PPP1R21: variants seen among roughly 807,000 people sequenced by gnomAD.
PPP1R21 encodes KLRAQ motif containing 1.
In PPP1R21, 85 loss-of-function variants were observed where a neutral mutation model predicts 112.8. The ratio of observed to expected loss-of-function variants is 0.75; its 90% confidence interval spans 0.63 to 0.90. The LOEUF (loss-of-function observed/expected upper bound fraction) is 0.90, where lower values mean the gene tolerates loss of function less well. Ranked by LOEUF, PPP1R21 falls within the 40% of genes least tolerant of loss-of-function variation. PPP1R21 has a pLI of 0.00. For missense variants in PPP1R21, 1,199 were observed against 901.5 expected (o/e 1.33, Z -4.23); for synonymous variants, 381 against 322.3 (o/e 1.18, Z -1.95).
At chr2:48,478,476 G>A (rs888257394) in intron 12 of PPP1R21, among the ~76,000 whole-genome samples, 16 of 152,312 alleles carry the variant, frequency 1.1e-4, no homozygotes, top group Admixed American at 9.8e-4. Flanking sequence ...GATGGTGGCA[G>A]GGCTCTCCTT....
chr2:48,461,020 C>T, intron 6 of PPP1R21, 118 bp from the exon 7 acceptor site: 2 of 1,440,092 alleles, frequency 1.4e-6, no homozygotes, highest in South Asian at 2.9e-5. Context: ...CCAAGAGTAT[C>T]CCAGATGTCA....
At chr2:48,514,686 T>A in intron 21 of PPP1R21, 29 bp from the exon 22 acceptor site, 1 of 1,479,618 alleles carries the variant, frequency 6.8e-7, no homozygotes, top group Non-Finnish European at 9.4e-7. Context: ...ATGTTTATGT[T>A]CTTATTGTTG....
At chr2:48,468,467 C>T (rs1381889412) in intron 9 of PPP1R21, among the ~76,000 whole-genome samples, 2 of 152,144 alleles carry the variant, frequency 1.3e-5, no homozygotes, top group Non-Finnish European at 2.9e-5. Flanking sequence ...GAAGACAGTA[C>T]TGCAACATTT....
At chr2:48,495,656 T>A in intron 15 of PPP1R21, 23 bp from the exon 16 acceptor site, 4 of 1,428,816 alleles carry the variant, frequency 2.8e-6, no homozygotes, top group Non-Finnish European at 3.9e-6. Flanking sequence ...TTTTCTTTAA[T>A]TCTTATGATG....
At chr2:48,507,137 G>T (rs1328850882) in intron 18 of PPP1R21, 132 bp from the exon 19 acceptor site, 2 of 1,286,218 alleles carry the variant, frequency 1.6e-6, no homozygotes, top group Non-Finnish European at 2.0e-6. Context: ...CTTCGAGGGG[G>T]TAGGAAAACA....
rs79265897 is a variant in PPP1R21, at chr2:48,451,283, A to T, written c.126+207A>T. Among the ~76,000 whole-genome samples, 447 of 152,290 alleles carry T rather than the reference A, an allele frequency of 2.9e-3. 2 individuals carry two copies. Among genetic ancestry groups the T allele is most frequent in the African/African-American group, 0.01 (435 of 41,556 alleles). On this transcript the variant is annotated intron_variant, in intron 2 of 21. Coordinates refer to ENST00000294952, the MANE Select transcript of PPP1R21 (RefSeq NM_001135629.3). ...TTTGATTTCCTTAGCTAAAAATTAT[A>T]AAAAAAGGTATTATGTGACTTTGTC...
At chr2:48,462,064 A>C (rs1336448108) in intron 7 of PPP1R21, among the ~76,000 whole-genome samples, 2 of 152,196 alleles carry the variant, frequency 1.3e-5, no homozygotes, top group African/African-American at 4.8e-5. Flanking sequence ...ATACTACTGG[A>C]TTCACTGGAT....
intron 3 of PPP1R21, among the ~76,000 whole-genome samples, chr2:48,456,715 G>A (rs970765981): frequency 2.6e-5 from 4 of 152,146 alleles, no homozygotes; most frequent in Non-Finnish European, 5.9e-5. Context: ...AACAGAGAGG[G>A]TATAACACTT....
intron 9 of PPP1R21, among the ~76,000 whole-genome samples, chr2:48,467,682 G>A (rs532060424): frequency 6.6e-5 from 10 of 152,352 alleles, no homozygotes; most frequent in Admixed American, 6.5e-4. Flanking sequence ...GGAAGCCACA[G>A]TGCCTTTTGA....
At chr2:48,458,061 G>C (rs1382678842) in intron 3 of PPP1R21, 65 bp from the exon 4 acceptor site, 1 of 1,015,104 alleles carries the variant, frequency 9.9e-7, no homozygotes, top group South Asian at 1.3e-5. Context: ...TAGAGAATCT[G>C]TGTACCTTAG....
At chr2:48,461,419 A>G (rs769589842) in intron 7 of PPP1R21, among the ~76,000 whole-genome samples, 187 bp downstream of exon 7, 7 of 152,178 alleles carry the variant, frequency 4.6e-5, no homozygotes, top group Non-Finnish European at 1.0e-4. Flanking sequence ...ATTGTCATAT[A>G]ACTACTCCAA....
At chr2:48,467,197 A>G (rs1668245008) in intron 9 of PPP1R21, among the ~76,000 whole-genome samples, 1 of 152,126 alleles carries the variant, frequency 6.6e-6, no homozygotes, top group African/African-American at 2.4e-5. Flanking sequence ...GTGAGGTTCA[A>G]ACAGGGTTTA....
chr2:48,445,808 G>T (rs769672692), intron 1 of PPP1R21, among the ~76,000 whole-genome samples: 2 of 152,170 alleles, frequency 1.3e-5, no homozygotes, highest in Non-Finnish European at 2.9e-5. Flanking sequence ...ATAATATGTA[G>T]CCTGCACATA....
At chr2:48,458,992 T>A (rs1667851176) in intron 4 of PPP1R21, among the ~76,000 whole-genome samples, 1 of 148,832 alleles carries the variant, frequency 6.7e-6, no homozygotes, top group Non-Finnish European at 1.5e-5. Flanking sequence ...CTTGGGAGGC[T>A]GAGGCAGGAG....
At chr2:48,505,497 G>A (rs1429576852) in intron 17 of PPP1R21, 67 bp from the exon 18 acceptor site, 3 of 1,167,408 alleles carry the variant, frequency 2.6e-6, no homozygotes, top group Non-Finnish European at 3.8e-6. Flanking sequence ...AATATTAAAA[G>A]CGTTTGATCT....
chr2:48,444,908 A>T (rs34901329), intron 1 of PPP1R21, among the ~76,000 whole-genome samples: 17,627 of 151,288 alleles, frequency 0.12, 1,444 homozygotes, highest in Admixed American at 0.21. Context: ...AAAGCCAAAC[A>T]TCCATTATTT....
At chr2:48,510,152 C>A in intron 20 of PPP1R21, 39 bp downstream of exon 20, 1 of 1,481,390 alleles carries the variant, frequency 6.8e-7, no homozygotes. Flanking sequence ...AATGTTTTTT[C>A]ATTGAAAGTT....
At position 48,440,860 on chromosome 2, in the gene PPP1R21, T is replaced by C; in HGVS notation, c.-94T>C. 1.2e-6 allele frequency: 1 copy of C among 808,284 alleles called. No homozygotes were observed. The highest frequency in any genetic ancestry group is 1.9e-6 in the Non-Finnish European group (1 of 519,192). The allele number at this position is 808,284 out of a possible 1,614,324, so 50.1% of individuals were successfully genotyped here. A position where few individuals can be genotyped will look rare whatever the true frequency, so the allele number is the denominator to read the frequency against. On this transcript the variant is annotated 5_prime_UTR_variant, in exon 1 of 22. Coordinates refer to ENST00000294952, the MANE Select transcript of PPP1R21 (RefSeq NM_001135629.3). ...CTGCGGTGGCCAAGCAGGCAGATAC[T>C]GCCTGACCCGTTCCCGGGAGCGTGT...
intron 17 of PPP1R21, among the ~76,000 whole-genome samples, chr2:48,501,128 A>T (rs1201373590): frequency 6.6e-6 from 1 of 152,226 alleles, no homozygotes; most frequent in East Asian, 1.9e-4. Flanking sequence ...GTGGTTTAGC[A>T]TTTAGCTACG....
Sources: gnomAD v4.1 joint callset for allele counts (sites outside exome capture counted in the v4.1 genomes callset) on GRCh38, gnomAD v4.1.1 for gene constraint, MANE v1.5 for transcripts, NCBI Gene and HGNC (gene_info 2026-07-23, HGNC 2026-07-21) for gene names.